The following GSN variants were observed in gnomAD, a reference collection of about 807,000 sequenced individuals.
The protein encoded by GSN is actin-depolymerizing factor.
A neutral mutation model predicts 85.7 loss-of-function variants in GSN; 56 were observed. The ratio of observed to expected loss-of-function variants is 0.65; its 90% CI spans 0.53 to 0.82. The LOEUF is 0.82. Ranked by LOEUF, GSN falls within the 40% of genes least tolerant of loss-of-function variation. The probability of loss-of-function intolerance (pLI) is 0.00; values close to 1 mark genes in which losing one functional copy is unlikely to be tolerated. For missense variants in GSN, 857 were observed against 979.8 expected (o/e 0.87, Z 1.67); for synonymous variants, 373 against 399.1 (o/e 0.93, Z 0.78).
At position 121,253,154 on chromosome 9, in the gene GSN, C is replaced by G. The variant is rs978360148; in HGVS notation, c.-341+4831C>G. On this transcript the variant is annotated intron_variant, in intron 6 of 24. Coordinates refer to the GSN transcript ENST00000373823. ...ATTCATGAGGGCTCTACTCTCATAA[C>G]CGAATTACCTCCCAAAGGCCCCACT... 9.2e-5 allele frequency among the ~76,000 whole-genome samples: 14 copies of G among 152,154 alleles called. 1 individual carries two copies. Among genetic ancestry groups the G allele is most frequent in the African/African-American group, 3.4e-4 (14 of 41,426 alleles).
intron 14 of GSN, 66 bp from the exon 15 acceptor site, chr9:121,328,825 G>A: frequency 6.4e-7 from 1 of 1,562,168 alleles, no homozygotes; most frequent in Non-Finnish European, 8.7e-7. Flanking sequence ...CTGGTCCCAG[G>A]GTCCGATGAG....
intron 4 of GSN, among the ~76,000 whole-genome samples, chr9:121,229,887 G>A (rs2054353540): frequency 6.6e-6 from 1 of 152,042 alleles, no homozygotes; most frequent in African/African-American, 2.4e-5. Flanking sequence ...TTGCAAAATA[G>A]TGTTTTTCTA....
At chr9:121,305,234 A>T (rs114232251) in intron 4 of GSN, among the ~76,000 whole-genome samples, 1 of 152,156 alleles carries the variant, frequency 6.6e-6, no homozygotes, top group African/African-American at 2.4e-5. Context: ...TTTAATTCTC[A>T]CTGTAGCCTT....
intron 1 of GSN, among the ~76,000 whole-genome samples, chr9:121,270,308 ACAGAG>A (rs1411524268): frequency 2.0e-5 from 3 of 152,224 alleles, no homozygotes; most frequent in Non-Finnish European, 4.4e-5. Context: ...AAGGGTTTTG[ACAGAG>A]CAGTGATTTT....
chr9:121,277,481 A>G (rs538027793), intron 1 of GSN, among the ~76,000 whole-genome samples: 13 of 152,172 alleles, frequency 8.5e-5, no homozygotes, highest in African/African-American at 4.8e-5. Context: ...TGTAGAATCA[A>G]TACTTATGAG....
At chr9:121,269,539 T>G (rs1299345331) in intron 1 of GSN, among the ~76,000 whole-genome samples, 1 of 152,070 alleles carries the variant, frequency 6.6e-6, no homozygotes, top group African/African-American at 2.4e-5. Context: ...TGGTTGGTGT[T>G]TCTTGGGGCT....
At chr9:121,220,641 G>A (rs1588420144) in intron 4 of GSN, among the ~76,000 whole-genome samples, 1 of 152,158 alleles carries the variant, frequency 6.6e-6, no homozygotes, top group East Asian at 1.9e-4. Flanking sequence ...AACACATTAG[G>A]TAACTAAACC....
chr9:121,241,611 G>T (rs970753296), intron 5 of GSN, among the ~76,000 whole-genome samples: 1 of 152,212 alleles, frequency 6.6e-6, no homozygotes, highest in Non-Finnish European at 1.5e-5. Context: ...GTATTTGGAA[G>T]TGTCTTATAA....
chr9:121,265,249 C>A (rs1179065848), upstream of GSN: 3 of 152,224 alleles, frequency 2.0e-5, no homozygotes, highest in African/African-American at 7.2e-5. Flanking sequence ...ATCAGAAGAG[C>A]CCCTGAACCC....
intron 5 of GSN, among the ~76,000 whole-genome samples, chr9:121,231,749 A>G (rs2054391696): frequency 6.6e-6 from 1 of 152,000 alleles, no homozygotes; most frequent in African/African-American, 2.4e-5. Context: ...AAAAAGAGAG[A>G]GAGAAGGGAA....
At chr9:121,221,216 T>C (rs902563499) in intron 4 of GSN, among the ~76,000 whole-genome samples, 1 of 152,204 alleles carries the variant, frequency 6.6e-6, no homozygotes, top group African/African-American at 2.4e-5. Flanking sequence ...ACTTCTCCAT[T>C]TCAAGGGGAT....
intron 4 of GSN, among the ~76,000 whole-genome samples, chr9:121,230,835 G>T (rs536545377): frequency 6.6e-6 from 1 of 152,252 alleles, no homozygotes; most frequent in South Asian, 2.1e-4. Flanking sequence ...TAATGTGATA[G>T]AAAAAACAAT....
intron 2 of GSN, among the ~76,000 whole-genome samples, chr9:121,295,509 C>T (rs1195788419): frequency 6.6e-6 from 1 of 152,200 alleles, no homozygotes; most frequent in African/African-American, 2.4e-5. Flanking sequence ...GAGAAAAGAA[C>T]AGGGTGGTGT....
chr9:121,229,281 C>T (rs1289699865), intron 4 of GSN, among the ~76,000 whole-genome samples: 2 of 152,138 alleles, frequency 1.3e-5, no homozygotes, highest in Admixed American at 6.5e-5. Context: ...AGTACAGTGG[C>T]GCAGTCTCAG....
intron 4 of GSN, among the ~76,000 whole-genome samples, chr9:121,222,485 T>C (rs1157059240): frequency 6.6e-6 from 1 of 152,194 alleles, no homozygotes; most frequent in African/African-American, 2.4e-5. Flanking sequence ...ATAAATTTGA[T>C]AGATGAAAAA....
At position 121,214,531 on chromosome 9, in the gene GSN, A is replaced by G. The variant is rs117114299; in HGVS notation, c.-528+3664A>G. On this transcript the variant is annotated intron_variant, in intron 4 of 24. Coordinates refer to the GSN transcript ENST00000373823. ...ATGGTAGTGTACAAAATATATTAAT[A>G]ATAAATACTAGTTTATCCTCTTTCA... 6.4e-4 allele frequency among the ~76,000 whole-genome samples: 98 copies of G among 152,352 alleles called. 3 individuals are homozygous for G. In the East Asian group the frequency reaches 0.015, roughly 24 times the overall value.
chr9:121,326,714 T>C (rs750298427), intron 13 of GSN, 32 bp downstream of exon 13: 9 of 1,586,982 alleles, frequency 5.7e-6, no homozygotes, highest in South Asian at 1.1e-5. Context: ...ACAGAAGGGA[T>C]TGGCCTCCCT....
intron 1 of GSN, among the ~76,000 whole-genome samples, chr9:121,269,228 C>T (rs1040774543): frequency 1.3e-5 from 2 of 152,182 alleles, no homozygotes; most frequent in African/African-American, 4.8e-5. Context: ...GTGTCCTGTT[C>T]TCCCAGGACC....
intron 6 of GSN, among the ~76,000 whole-genome samples, chr9:121,256,729 CAAA>C (rs967162615): frequency 6.7e-6 from 1 of 149,538 alleles, no homozygotes. Flanking sequence ...AATACAACAA[CAAA>C]AAAAAAATTA....
Sources: gnomAD v4.1 joint callset for allele counts (sites outside exome capture counted in the v4.1 genomes callset) on GRCh38, gnomAD v4.1.1 for gene constraint, MANE v1.5 for transcripts, NCBI Gene and HGNC (gene_info 2026-07-23, HGNC 2026-07-21) for gene names.